TEP1: variants seen among roughly 807,000 people sequenced by gnomAD.
TEP1 encodes the protein telomerase protein component 1.
A neutral mutation model predicts 306.3 loss-of-function variants in TEP1; 241 were observed. The ratio of observed to expected loss-of-function variants is 0.79; its 90% CI spans 0.71 to 0.88. The LOEUF (loss-of-function observed/expected upper bound fraction) is 0.88. Ranked by LOEUF, TEP1 falls within the 40% of genes least tolerant of loss-of-function variation. TEP1 has a pLI of 0.00. For missense variants in TEP1, 3,051 were observed against 3,276.1 expected, an observed-to-expected ratio of 0.93 and a Z score of 1.68; for synonymous variants, 1,289 against 1,305.5, an observed-to-expected ratio of 0.99 and a Z score of 0.27.
chr14:20,411,344 C>G (rs570937555), intron 1 of TEP1, among the ~76,000 whole-genome samples: 22 of 152,286 alleles, frequency 1.4e-4, no homozygotes, highest in Admixed American at 1.4e-3. Context: ...GGCCTGTGCA[C>G]AGGCAGATCC....
Position 20,395,562 on chromosome 14 carries a change from G to C in TEP1, c.1816C>G (p.Pro606Ala), listed in dbSNP as rs747170152. 4 of 1,613,792 alleles carry C rather than the reference G, an allele frequency of 2.5e-6. No homozygotes were observed. In the South Asian group the frequency reaches 4.4e-5, roughly 18 times the overall value. ...RILTRNEKNRPRRRFLCHLSR... is the reference protein window; with the variant it reads ...RILTRNEKNRARRRFLCHLSR... Reference sequence around the variant, plus strand: ...AGGTGGCAAAGAAACCTCCGCCTGGGACGGTTCTTTTCATTTCTAGTTAGT... The same window carrying C: ...AGGTGGCAAAGAAACCTCCGCCTGGCACGGTTCTTTTCATTTCTAGTTAGT... Residue 606 changes from proline to alanine, a missense_variant, in exon 12 of 55, where the codon CCC becomes GCC. Physicochemically the swap from Pro to Ala is conservative, Grantham distance 27. This residue lies in a region of TEP1 where 1,507 missense variants were observed against 1,550.5 expected (regional missense o/e 0.97). Coordinates refer to ENST00000262715, the MANE Select transcript of TEP1 (RefSeq NM_007110.5).
intron 7 of TEP1, among the ~76,000 whole-genome samples, chr14:20,402,706 T>A (rs1012257168): frequency 2.6e-5 from 4 of 152,176 alleles, no homozygotes; most frequent in Admixed American, 2.0e-4. Context: ...GTGACGTGAA[T>A]CCAGATTCTA....
intron 41 of TEP1, 139 bp from the exon 42 acceptor site, chr14:20,376,403 A>G (rs1885180303): frequency 1.1e-6 from 1 of 905,804 alleles, no homozygotes; most frequent in South Asian, 1.7e-5. Context: ...GCAGGGAGTC[A>G]CAAGGCTGTG....
chr14:20,377,823 A>G (rs1178254204), intron 39 of TEP1, 70 bp from the exon 40 acceptor site: 1 of 1,580,696 alleles, frequency 6.3e-7, no homozygotes, highest in African/African-American at 1.4e-5. Flanking sequence ...TTTGAGTTAC[A>G]GCCACCCCCA....
intron 39 of TEP1, 38 bp downstream of exon 39, chr14:20,377,983 ACTC>A (rs1382775350): frequency 6.2e-7 from 1 of 1,600,346 alleles, no homozygotes; most frequent in East Asian, 2.2e-5. Flanking sequence ...TGCCTTTGCT[ACTC>A]CTCCTCACAA....
Position 20,371,580 on chromosome 14 carries a change from C to T in TEP1, c.7129G>A (p.Asp2377Asn). 6.2e-7 allele frequency: 1 copy of T among 1,603,508 alleles called. No homozygotes were observed. Among genetic ancestry groups the T allele is most frequent in the South Asian group, 1.1e-5 (1 of 89,250 alleles). Residue 2377 changes from aspartate (D) to asparagine (N), a missense_variant, in exon 50 of 55, where the codon GAT becomes AAT. Physicochemically the swap from Asp to Asn is conservative, Grantham distance 23. Transcript: ENST00000262715. ...QEDLGVLTSLDWAPDGHFLIL... is the reference protein window; with the variant it reads ...QEDLGVLTSLNWAPDGHFLIL... ...AGAAAGTGACCATCAGGAGCCCAAT[C>T]CAGACTTGTCAGCACCCCTAAGTCC...
intron 2 of TEP1, among the ~76,000 whole-genome samples, chr14:20,406,985 A>G (rs973104845): frequency 1.3e-5 from 2 of 152,370 alleles, no homozygotes; most frequent in Middle Eastern, 3.4e-3. Context: ...AGGAAATTAA[A>G]GCTCTAAAGG....
chr14:20,371,267 TA>T lies in TEP1; in HGVS notation c.7267del (p.Tyr2423MetfsTer17). 1 of 1,614,216 alleles carries T rather than the reference TA, an allele frequency of 6.2e-7. No individual in the cohort carries two copies. The highest frequency in any genetic ancestry group is 1.3e-5 in the African/African-American group (1 of 75,064). On this transcript the variant is annotated frameshift_variant, in exon 51 of 55. Transcript: ENST00000262715. LOFTEE classifies it high-confidence loss of function. ...CTTGGGCTGCAGGACAAATATGCCATACTCCTTGTGGGTGGACAATATCATA... is the reference window on the plus strand; with the variant it reads ...CTTGGGCTGCAGGACAAATATGCCATCTCCTTGTGGGTGGACAATATCATA... ...NPMILSTHKE[Y>X]GIFVLQPKDP...
chr14:20,402,376 A>T (rs1878824908), intron 7 of TEP1, among the ~76,000 whole-genome samples: 1 of 152,188 alleles, frequency 6.6e-6, no homozygotes, highest in East Asian at 1.9e-4. Flanking sequence ...GAAGAACTAA[A>T]TTTAGGATAT....
Position 20,381,956 on chromosome 14 carries a change from A to G in TEP1, c.4381T>C (p.Tyr1461His), listed in dbSNP as rs1489774211. ...AGGCAGGCAAACGGGCCCATGGGGT[A>G]GGGGTCTCCACTGTTACCAGCAGCC... ...AVAAGNSGDP[Y>H]PMGPFACLVQ... Residue 1461 changes from tyrosine to histidine, a missense_variant, in exon 30 of 55, where the codon TAC becomes CAC. Tyr to His is a moderately conservative substitution (Grantham distance 83). Coordinates refer to ENST00000262715, the MANE Select transcript of TEP1 (RefSeq NM_007110.5). This position sits in a 1 kb window ranked among gnomAD's most constrained non-coding sequence, Gnocchi z 4.0. 1 of 1,614,120 alleles carries G rather than the reference A, an allele frequency of 6.2e-7. No homozygotes were observed. Among genetic ancestry groups the G allele is most frequent in the Admixed American group, 1.7e-5 (1 of 60,018 alleles).
At chr14:20,399,983 G>A (rs923271189) in intron 9 of TEP1, among the ~76,000 whole-genome samples, 6 of 150,814 alleles carry the variant, frequency 4.0e-5, no homozygotes, top group African/African-American at 1.5e-4. Flanking sequence ...ATGGTGAAAC[G>A]CCGTCTCTAC....
At chr14:20,408,915 T>C (rs890760741) in intron 1 of TEP1, among the ~76,000 whole-genome samples, 2 of 144,460 alleles carry the variant, frequency 1.4e-5, no homozygotes, top group South Asian at 4.4e-4. Flanking sequence ...CCAACCCCCC[T>C]GACCCCCGCT....
At chr14:20,392,942 G>T (rs35793276) in intron 12 of TEP1, among the ~76,000 whole-genome samples, 17 of 152,158 alleles carry the variant, frequency 1.1e-4, no homozygotes, top group South Asian at 2.1e-4. Flanking sequence ...ATGTAAGCCG[G>T]GCACGGTGGC....
At chr14:20,398,433 AATAAT>A (rs1298811833) in intron 9 of TEP1, among the ~76,000 whole-genome samples, 1 of 152,082 alleles carries the variant, frequency 6.6e-6, no homozygotes, top group Non-Finnish European at 1.5e-5. Flanking sequence ...GTTAATACTG[AATAAT>A]ATAATTCCAA....
At chr14:20,410,799 GTGGTTT>G (rs1879613746) in intron 1 of TEP1, among the ~76,000 whole-genome samples, 1 of 115,446 alleles carries the variant, frequency 8.7e-6, no homozygotes, top group Admixed American at 9.9e-5. Context: ...TTTCTCCTTT[GTGGTTT>G]TTTTTTTTTT....
chr14:20,369,760 T>C lies in TEP1; in HGVS notation c.7337A>G (p.Glu2446Gly), dbSNP rs1292823051. The C allele has an allele frequency of 5.0e-6, 8 of 1,613,926 alleles. No individual in the cohort carries two copies. Among genetic ancestry groups the C allele is most frequent in the Non-Finnish European group, 6.8e-6 (8 of 1,179,988 alleles). ...ATCAAAGTTCAGCCTCTCTTCAAAC[T>C]CTCCTGATTCCTTTTGCCTCTGTGA... ...LSFLRQKESG[E>G]FEERLNFDIN... Residue 2446 changes from glutamate (E) to glycine (G), a missense_variant, in exon 52 of 55, where the codon GAG becomes GGG. This residue lies in a region of TEP1 where 1,540 missense variants were observed against 1,705.9 expected (regional missense o/e 0.90). Coordinates refer to ENST00000262715, the MANE Select transcript of TEP1 (RefSeq NM_007110.5).
In TEP1 at chr14:20,384,436, C is replaced by T; in HGVS notation, c.3294G>A (p.Leu1098=). The change falls in exon 23 of 55, where the codon TTG becomes TTA. Residue 1098 remains leucine, a synonymous_variant. Coordinates refer to ENST00000262715, the MANE Select transcript of TEP1 (RefSeq NM_007110.5). ...TCATATTCCATACATCCTGCAGAAC[C>T]AACTGCCCAAACTCCTCCAGCCCGC... ...YVGGLEEFGQ[L]VLQDVWNMIQ... The T allele has an allele frequency of 6.2e-7, 1 of 1,614,146 alleles. No individual in the cohort carries two copies.
intron 23 of TEP1, 43 bp downstream of exon 23, chr14:20,384,348 C>T: frequency 6.2e-7 from 1 of 1,612,772 alleles, no homozygotes; most frequent in Non-Finnish European, 8.5e-7. Flanking sequence ...CAGACCACCC[C>T]ATGTCCCTCT....
chr14:20,379,245 C>G (rs1294799199), intron 35 of TEP1, 140 bp from the exon 36 acceptor site: 12 of 1,150,224 alleles, frequency 1.0e-5, no homozygotes, highest in South Asian at 3.1e-5. Flanking sequence ...GTCAAGCACA[C>G]GTTCAAGTGG....
Sources: gnomAD v4.1 joint callset for allele counts (sites outside exome capture counted in the v4.1 genomes callset) on GRCh38, gnomAD v4.1.1 for gene constraint, gnomAD v4.1.1 regional missense constraint, Gnocchi (gnomAD v3.1) non-coding constraint, MANE v1.5 for transcripts, NCBI Gene and HGNC (gene_info 2026-07-23, HGNC 2026-07-21) for gene names.